MTCL2: variants seen among roughly 807,000 people sequenced by gnomAD.
MTCL2 encodes microtubule crosslinking factor 2, also known as microtubule cross-linking factor 2.
At chr20:36,797,461 G>A in the MTCL2 span, 15 of 1,547,490 alleles carry the variant, frequency 9.7e-6, no homozygotes, top group Non-Finnish European at 1.2e-5. Flanking sequence ...TTATGGTGCA[G>A]CCAGGAGCCA....
At chr20:36,863,148 A>G in the MTCL2 span, 1,379,563 of 1,379,574 alleles carry the variant, frequency 1, 689,776 homozygotes, top group Middle Eastern at 1. The surrounding 1 kb of genome is among the most constrained non-coding windows in gnomAD (Gnocchi z 6.2). Context: ...CCGTGAGGAG[A>G]ACGCGGCGCT....
the MTCL2 span, among the ~76,000 whole-genome samples, chr20:36,811,105 T>G: frequency 2.1e-3 from 314 of 152,302 alleles, 1 homozygote; most frequent in Non-Finnish European, 3.5e-3. Flanking sequence ...GTCAATAATA[T>G]GATGATTTGG....
At chr20:36,781,762 T>C in the MTCL2 span, 4 of 151,814 alleles carry the variant, frequency 2.6e-5, no homozygotes. Context: ...AAAAGAAAGA[T>C]AGCCTAATAA....
At chr20:36,802,782 G>A in the MTCL2 span, 2 of 1,497,076 alleles carry the variant, frequency 1.3e-6, no homozygotes, top group East Asian at 2.4e-5. Flanking sequence ...ACCTGAAGGA[G>A]TTCCTGCTTC....
the MTCL2 span, chr20:36,777,479 C>A: frequency 3.4e-6 from 1 of 295,894 alleles, no homozygotes; most frequent in East Asian, 5.7e-5. Context: ...CAATCTACAA[C>A]CATTAAAAAC....
the MTCL2 span, among the ~76,000 whole-genome samples, chr20:36,826,013 T>C: frequency 2.8e-4 from 42 of 151,814 alleles, no homozygotes; most frequent in African/African-American, 7.2e-4. Flanking sequence ...CTTTTCTTTT[T>C]TTTTTTTCTT....
chr20:36,839,898 G>A, the MTCL2 span, among the ~76,000 whole-genome samples: 1 of 152,186 alleles, frequency 6.6e-6, no homozygotes, highest in Non-Finnish European at 1.5e-5. This position sits in a 1 kb window ranked among gnomAD's most constrained non-coding sequence, Gnocchi z 5.1. Flanking sequence ...GTCTCACTCT[G>A]TTGCCCAGGC....
the MTCL2 span, among the ~76,000 whole-genome samples, chr20:36,843,273 C>T: frequency 9.9e-5 from 15 of 152,284 alleles, no homozygotes; most frequent in South Asian, 1.4e-3. Context: ...GAAGGGGGTA[C>T]GACTGGGGTT....
the MTCL2 span, among the ~76,000 whole-genome samples, chr20:36,859,229 AC>A: frequency 1.3e-5 from 2 of 152,226 alleles, no homozygotes; most frequent in Non-Finnish European, 2.9e-5. Context: ...CTCCATCCAC[AC>A]CCAGTGGGTT....
chr20:36,838,501 G>A, the MTCL2 span, among the ~76,000 whole-genome samples: 1 of 151,834 alleles, frequency 6.6e-6, no homozygotes, highest in Non-Finnish European at 1.5e-5. Context: ...AAGCTGAGGT[G>A]GGGGTAGCCC....
the MTCL2 span, chr20:36,780,850 C>T: frequency 6.6e-6 from 1 of 152,178 alleles, no homozygotes; most frequent in Non-Finnish European, 1.5e-5. Flanking sequence ...CGTTGACTCA[C>T]CAACTGGCTC....
the MTCL2 span, among the ~76,000 whole-genome samples, chr20:36,810,594 T>C: frequency 2.0e-5 from 3 of 152,070 alleles, no homozygotes; most frequent in Admixed American, 1.3e-4. Context: ...CCAAAAACGC[T>C]ATAGGCCTCC....
the MTCL2 span, among the ~76,000 whole-genome samples, chr20:36,799,834 C>A: frequency 2.0e-5 from 3 of 152,188 alleles, no homozygotes; most frequent in African/African-American, 7.2e-5. Flanking sequence ...GCTTAAGAAG[C>A]ACTTTGAATC....
chr20:36,826,591 T>C, the MTCL2 span, among the ~76,000 whole-genome samples: 3 of 151,686 alleles, frequency 2.0e-5, no homozygotes, highest in African/African-American at 7.3e-5. Flanking sequence ...TTGCTCAGGC[T>C]GGTCTTGAAC....
At chr20:36,860,810 T>C in the MTCL2 span, among the ~76,000 whole-genome samples, 3 of 152,226 alleles carry the variant, frequency 2.0e-5, no homozygotes, top group African/African-American at 4.8e-5. Flanking sequence ...CCAGATCCAA[T>C]AGCAGCACGA....
chr20:36,833,173 GT>G, the MTCL2 span, among the ~76,000 whole-genome samples: 821 of 152,296 alleles, frequency 5.4e-3, 5 homozygotes, highest in African/African-American at 0.019. Context: ...TGATTTTGCC[GT>G]ATAGGCCCAA....
At chr20:36,794,712 T>C in the MTCL2 span, 73 of 1,362,672 alleles carry the variant, frequency 5.4e-5, no homozygotes, top group Non-Finnish European at 1.7e-5. The surrounding 1 kb of genome is among the most constrained non-coding windows in gnomAD (Gnocchi z 5.4). Flanking sequence ...AGGACCGTCT[T>C]GTTCACCTCT....
the MTCL2 span, chr20:36,839,166 T>A: frequency 1.3e-6 from 2 of 1,541,948 alleles, no homozygotes; most frequent in East Asian, 2.3e-5. The surrounding 1 kb of genome is among the most constrained non-coding windows in gnomAD (Gnocchi z 5.1). Context: ...TGGGCCCCAC[T>A]TAGACTTGTG....
the MTCL2 span, chr20:36,785,364 A>G: frequency 1.0e-6 from 1 of 984,406 alleles, no homozygotes; most frequent in Non-Finnish European, 1.2e-6. Flanking sequence ...CTTTGGGGTA[A>G]ATTAAATTAT....
Sources: allele counts gnomAD v4.1 joint callset (sites outside exome capture counted in the v4.1 genomes callset), GRCh38; gene constraint gnomAD v4.1.1; non-coding constraint Gnocchi (gnomAD v3.1); transcripts MANE v1.5; gene names NCBI Gene and HGNC (gene_info 2026-07-23, HGNC 2026-07-21).